The following ANKS1A variants were observed in gnomAD, a reference collection of about 807,000 sequenced individuals.
The protein encoded by ANKS1A is ankyrin repeat and sterile alpha motif domain containing 1A, also known as ankyrin repeat and SAM domain-containing protein 1A.
Under a neutral mutation model 120.3 loss-of-function variants are expected in ANKS1A, and 55 were observed. The ratio of observed to expected loss-of-function variants is 0.46; its 90% confidence interval spans 0.37 to 0.57. The LOEUF (loss-of-function observed/expected upper bound fraction) is 0.57. Ranked by LOEUF, ANKS1A falls within the 20% of genes least tolerant of loss-of-function variation. The pLI is 0.00. For missense variants in ANKS1A, 1,123 were observed against 1,480.3 expected (o/e 0.76, Z 3.96); for synonymous variants, 590 against 604.7 (o/e 0.98, Z 0.36).
chr6:34,918,688 A>G (rs1768289214), intron 1 of ANKS1A, among the ~76,000 whole-genome samples: 1 of 152,178 alleles, frequency 6.6e-6, no homozygotes, highest in African/African-American at 2.4e-5. Flanking sequence ...TGTTTCCTGA[A>G]TTGTATTGTC....
intron 11 of ANKS1A, among the ~76,000 whole-genome samples, chr6:35,029,656 T>G (rs943703882): frequency 4.0e-5 from 6 of 151,146 alleles, no homozygotes; most frequent in African/African-American, 1.5e-4. Context: ...AGTCGACTTC[T>G]GCATTTTGTA....
chr6:34,964,224 T>G (rs1257862649), intron 1 of ANKS1A, among the ~76,000 whole-genome samples: 1 of 152,228 alleles, frequency 6.6e-6, no homozygotes, highest in African/African-American at 2.4e-5. Flanking sequence ...TTGACTTTTT[T>G]GTCTTCTTTT....
intron 11 of ANKS1A, among the ~76,000 whole-genome samples, chr6:35,018,633 T>C (rs1774170780): frequency 6.6e-6 from 1 of 152,114 alleles, no homozygotes; most frequent in African/African-American, 2.4e-5. Context: ...ACGATTGATC[T>C]CATCACCCAG....
intron 20 of ANKS1A, among the ~76,000 whole-genome samples, chr6:35,083,889 G>T (rs1447278714): frequency 6.6e-6 from 1 of 152,202 alleles, no homozygotes; most frequent in East Asian, 1.9e-4. Flanking sequence ...GGGAGAGCTT[G>T]TGGTTGGGTG....
rs757091133 is a variant in ANKS1A, at chr6:34,903,385, G to T, written c.197+13786G>T. On this transcript the variant is annotated intron_variant, in intron 1 of 23. Transcript: ENST00000360359. ...TTCCAAGAGAGGATCTTGCTCTGTT[G>T]CCCAGGCTGGAGTGCAGTGGTGGGA... Among the ~76,000 whole-genome samples the T allele has an allele frequency of 6.0e-4, 91 of 150,580 alleles. No homozygotes were observed. In the Middle Eastern group the frequency reaches 0.01, roughly 17 times the overall value.
chr6:34,984,844 C>T (rs1772097934), intron 7 of ANKS1A, among the ~76,000 whole-genome samples: 1 of 152,114 alleles, frequency 6.6e-6, no homozygotes. Context: ...GGAGGTATCT[C>T]TTATAGATGT....
chr6:34,948,767 A>G (rs1769926311), intron 1 of ANKS1A, among the ~76,000 whole-genome samples: 1 of 152,136 alleles, frequency 6.6e-6, no homozygotes, highest in Admixed American at 6.5e-5. Context: ...TAAACAAAAC[A>G]ATTGTTTTGT....
chr6:34,923,807 C>T (rs1288599787), intron 1 of ANKS1A, among the ~76,000 whole-genome samples: 1 of 152,130 alleles, frequency 6.6e-6, no homozygotes, highest in East Asian at 1.9e-4. Flanking sequence ...ACTCTTTGAC[C>T]CTTTTCTAAG....
At chr6:34,924,131 T>TGTGTG (rs1561850542) in intron 1 of ANKS1A, among the ~76,000 whole-genome samples, 65 of 121,394 alleles carry the variant, frequency 5.4e-4, no homozygotes, top group African/African-American at 1.9e-3. Flanking sequence ...GTGTGTGTAT[T>TGTGTG]TTTCTTTTCC....
rs143209889 is a variant in ANKS1A, at chr6:34,934,809, CCT to C, written c.198-32425_198-32424del. The stretch of plus-strand genomic sequence containing the variant: ...AGCTAAAACAATCTAGTCTTATTCC[CCT>C]CTCTTTTCACCTCCCACCCCACCCC... On this transcript the variant is annotated intron_variant, in intron 1 of 23. Coordinates refer to ENST00000360359, the MANE Select transcript of ANKS1A (RefSeq NM_015245.3). Among the ~76,000 whole-genome samples, 40 of 152,268 alleles carry C rather than the reference CCT, an allele frequency of 2.6e-4. No individual in the cohort carries two copies. In the East Asian group the frequency reaches 7.1e-3, roughly 27 times the overall value.
At chr6:34,898,890 C>G (rs982154793) in intron 1 of ANKS1A, among the ~76,000 whole-genome samples, 22 of 152,108 alleles carry the variant, frequency 1.4e-4, no homozygotes, top group Admixed American at 5.2e-4. Flanking sequence ...TAACCCCTTT[C>G]CTGACATGGA....
At chr6:35,013,820 A>T (rs1027360647) in intron 10 of ANKS1A, among the ~76,000 whole-genome samples, 2 of 152,180 alleles carry the variant, frequency 1.3e-5, no homozygotes, top group African/African-American at 2.4e-5. Flanking sequence ...GAGTACTTTC[A>T]TGTACCTTAT....
At chr6:35,066,572 C>A (rs1193336507) in intron 13 of ANKS1A, among the ~76,000 whole-genome samples, 4 of 152,010 alleles carry the variant, frequency 2.6e-5, no homozygotes, top group African/African-American at 9.7e-5. Flanking sequence ...GGGGTGCTTT[C>A]ATGAAACTGG....
At chr6:34,999,433 C>T (rs1773034972) in intron 10 of ANKS1A, among the ~76,000 whole-genome samples, 1 of 152,130 alleles carries the variant, frequency 6.6e-6, no homozygotes, top group Admixed American at 6.5e-5. Context: ...TGTGTGTGCC[C>T]TTTTTACCTG....
chr6:35,025,664 T>C (rs2127565120), intron 11 of ANKS1A, among the ~76,000 whole-genome samples: 1 of 152,308 alleles, frequency 6.6e-6, no homozygotes, highest in Non-Finnish European at 1.5e-5. Context: ...TTTGTCTTTT[T>C]TTCTTCCTCC....
chr6:35,046,187 A>G (rs1028212170), intron 11 of ANKS1A, among the ~76,000 whole-genome samples: 1 of 152,098 alleles, frequency 6.6e-6, no homozygotes, highest in Non-Finnish European at 1.5e-5. Context: ...CATCCTGGGA[A>G]CACTGATAAT....
chr6:35,095,300 T>C (rs1366357256), downstream of ANKS1A, among the ~76,000 whole-genome samples: 1 of 151,974 alleles, frequency 6.6e-6, no homozygotes, highest in Non-Finnish European at 1.5e-5. Context: ...TGGCCGGGCA[T>C]GGTGACTCAT....
chr6:34,896,215 A>C (rs1228678858), intron 1 of ANKS1A, among the ~76,000 whole-genome samples: 1 of 151,892 alleles, frequency 6.6e-6, no homozygotes, highest in Admixed American at 6.6e-5. Flanking sequence ...GATTACAGGC[A>C]TGCACCACTG....
intron 13 of ANKS1A, among the ~76,000 whole-genome samples, chr6:35,071,515 G>A (rs567018092): frequency 6.6e-6 from 1 of 152,260 alleles, no homozygotes; most frequent in East Asian, 1.9e-4. Context: ...GGAGGAGGGT[G>A]TAATGAGGCA....
Sources: gnomAD v4.1 joint callset for allele counts (sites outside exome capture counted in the v4.1 genomes callset) on GRCh38, gnomAD v4.1.1 for gene constraint, MANE v1.5 for transcripts, NCBI Gene and HGNC (gene_info 2026-07-23, HGNC 2026-07-21) for gene names.